SLC2A9: variants seen among roughly 807,000 people sequenced by gnomAD.
SLC2A9 encodes solute carrier family 2 member 9.
A neutral mutation model predicts 50.6 loss-of-function variants in SLC2A9; 39 were observed. That is an observed-to-expected ratio of 0.77 (90% CI 0.60 to 1.01). SLC2A9 has a LOEUF of 1.01. Among genes scored for constraint, SLC2A9 ranks in the 50% least tolerant of loss-of-function variants. SLC2A9 has a pLI of 0.00. For missense variants in SLC2A9, 686 were observed against 677.6 expected (o/e 1.01, Z -0.14); for synonymous variants, 324 against 276.9 (o/e 1.17, Z -1.69).
chr4:9,957,147 A>T (rs1468704442), intron 5 of SLC2A9, among the ~76,000 whole-genome samples: 2 of 152,014 alleles, frequency 1.3e-5, no homozygotes, highest in African/African-American at 4.8e-5. Context: ...GTTCATTCTC[A>T]CAATCAATGG....
intron 11 of SLC2A9, 98 bp from the exon 12 acceptor site, chr4:9,826,698 A>C: frequency 9.2e-7 from 1 of 1,087,640 alleles, no homozygotes; most frequent in Non-Finnish European, 1.4e-6. Context: ...CCACATTCAT[A>C]TACCAATACT....
intron 3 of SLC2A9, among the ~76,000 whole-genome samples, chr4:9,803,577 A>G (rs1353089075): frequency 6.6e-6 from 1 of 152,252 alleles, no homozygotes; most frequent in African/African-American, 2.4e-5. Flanking sequence ...GTGGTCCACT[A>G]TCCACCAGGA....
intron 3 of SLC2A9, chr4:9,783,229 C>G (rs866493427): frequency 2.5e-6 from 4 of 1,614,230 alleles, no homozygotes; most frequent in African/African-American, 1.3e-5. Context: ...ACCAAGACAT[C>G]GTCTTCCACA....
chr4:9,826,635 A>G, intron 11 of SLC2A9, 35 bp from the exon 12 acceptor site: 1 of 1,592,198 alleles, frequency 6.3e-7, no homozygotes, highest in Non-Finnish European at 8.6e-7. Flanking sequence ...CCTCAAATAG[A>G]TAATCAGTAA....
intron 1 of SLC2A9, chr4:10,028,930 C>G (rs1448969501): frequency 2.6e-5 from 4 of 152,232 alleles, no homozygotes; most frequent in South Asian, 2.1e-4. Context: ...TCCCTTCCAG[C>G]CTTCAAAGTC....
intron 10 of SLC2A9, among the ~76,000 whole-genome samples, chr4:9,860,227 C>T (rs2109386719): frequency 6.6e-6 from 1 of 152,320 alleles, no homozygotes; most frequent in South Asian, 2.1e-4. Context: ...TTTCAATTCA[C>T]TGCACATCAC....
chr4:9,827,386 A>G (rs566351734), intron 11 of SLC2A9, among the ~76,000 whole-genome samples: 1 of 152,200 alleles, frequency 6.6e-6, no homozygotes, highest in Non-Finnish European at 1.5e-5. Flanking sequence ...GAAATAAAAG[A>G]CTTTCTGGGT....
At chr4:10,009,958 G>A (rs1015216557) in intron 2 of SLC2A9, among the ~76,000 whole-genome samples, 6 of 152,226 alleles carry the variant, frequency 3.9e-5, no homozygotes, top group East Asian at 1.9e-4. Flanking sequence ...GATGTAGCCT[G>A]TGAATTCTTG....
chr4:9,819,834 T>C (rs1341214598), intron 3 of SLC2A9, among the ~76,000 whole-genome samples: 10 of 152,188 alleles, frequency 6.6e-5, no homozygotes, highest in Admixed American at 6.5e-4. Flanking sequence ...CTTGGGAGGC[T>C]GTGGCAGGAG....
At chr4:9,879,554 G>A (rs1734862461) in intron 10 of SLC2A9, 9 of 985,284 alleles carry the variant, frequency 9.1e-6, no homozygotes, top group Non-Finnish European at 1.1e-5. Flanking sequence ...CTTTCCAGAG[G>A]GGTCCTTTTT....
chr4:10,015,748 G>C (rs1407597715), intron 2 of SLC2A9, among the ~76,000 whole-genome samples: 1 of 152,216 alleles, frequency 6.6e-6, no homozygotes, highest in Non-Finnish European at 1.5e-5. Flanking sequence ...CCGGCACTTT[G>C]ATTTTGGATT....
At chr4:10,033,392 C>G (rs111953533) in intron 1 of SLC2A9, among the ~76,000 whole-genome samples, 1 of 152,154 alleles carries the variant, frequency 6.6e-6, no homozygotes, top group East Asian at 1.9e-4. Flanking sequence ...TCTAGAACAC[C>G]CTCTTCCCCC....
chr4:9,868,881 G>A (rs374523326), intron 10 of SLC2A9, among the ~76,000 whole-genome samples: 1 of 152,190 alleles, frequency 6.6e-6, no homozygotes, highest in African/African-American at 2.4e-5. Flanking sequence ...CCCAGGGGGA[G>A]AACAGCTCTG....
intron 8 of SLC2A9, among the ~76,000 whole-genome samples, chr4:9,906,743 C>G (rs1740749840): frequency 6.6e-6 from 1 of 152,238 alleles, no homozygotes; most frequent in South Asian, 2.1e-4. Flanking sequence ...ATCTCCCGTA[C>G]TTCCCCCATA....
Position 9,919,528 on chromosome 4 carries a change from C to T in SLC2A9, c.1002+857G>A, listed in dbSNP as rs116368306. 6.9e-4 allele frequency among the ~76,000 whole-genome samples: 104 copies of T among 150,764 alleles called. 1 individual carries two copies. In the Middle Eastern group the frequency reaches 0.017, roughly 25 times the overall value. On this transcript the variant is annotated intron_variant, in intron 7 of 11. Coordinates refer to ENST00000264784, the MANE Select transcript of SLC2A9 (RefSeq NM_020041.3). ...CCCGCCTTGGGGGGTGCTGGTCTCA[C>T]GCTTATTTAGTATAAATGCAAGCTG...
intron 7 of SLC2A9, among the ~76,000 whole-genome samples, chr4:9,913,611 C>T (rs1454084938): frequency 6.6e-6 from 1 of 152,188 alleles, no homozygotes; most frequent in East Asian, 1.9e-4. Context: ...GAACATACCT[C>T]CCTCTCAACC....
At chr4:9,824,003 T>C (rs529452334), downstream of SLC2A9, among the ~76,000 whole-genome samples, 5 of 152,342 alleles carry the variant, frequency 3.3e-5, no homozygotes, top group East Asian at 7.7e-4. Context: ...GTGGTTTGAA[T>C]GTCCCCTCTA....
At chr4:9,966,319 A>C (rs1753046815) in intron 5 of SLC2A9, among the ~76,000 whole-genome samples, 1 of 152,232 alleles carries the variant, frequency 6.6e-6, no homozygotes, top group Admixed American at 6.5e-5. Flanking sequence ...TTAATGTAGA[A>C]GATTATTCAT....
At chr4:9,904,920 A>G (rs1205732887) in intron 8 of SLC2A9, among the ~76,000 whole-genome samples, 1 of 152,132 alleles carries the variant, frequency 6.6e-6, no homozygotes, top group Non-Finnish European at 1.5e-5. Context: ...CTTTGAGAAG[A>G]TGAAAGGGGG....
Sources: gnomAD v4.1 joint callset for allele counts (sites outside exome capture counted in the v4.1 genomes callset) on GRCh38, gnomAD v4.1.1 for gene constraint, MANE v1.5 for transcripts, NCBI Gene and HGNC (gene_info 2026-07-23, HGNC 2026-07-21) for gene names.